Variants in RAPGEF2 observed in about 807,000 individuals in gnomAD.
RAPGEF2 encodes the protein PDZ domain containing guanine nucleotide exchange factor (GEF) 1.
RAPGEF2 carries 54 observed loss-of-function variants against 186.7 expected under a neutral mutation model. That is an observed-to-expected ratio of 0.29 (90% CI 0.23 to 0.36). The LOEUF is 0.36. Ranked by LOEUF, RAPGEF2 falls within the 10% of genes least tolerant of loss-of-function variation. RAPGEF2 has a pLI of 1.00. For missense variants in RAPGEF2, 1,532 were observed against 2,045.0 expected (o/e 0.75, Z 4.84); for synonymous variants, 712 against 705.9 (o/e 1.01, Z -0.14).
chr4:159,154,867 T>G (rs78080077), intron 1 of RAPGEF2, among the ~76,000 whole-genome samples: 1,580 of 152,286 alleles, frequency 0.01, 33 homozygotes, highest in African/African-American at 0.036. Context: ...AAATATTCTC[T>G]TTTGTTAGAA....
chr4:159,292,556 C>G (rs529762933), intron 7 of RAPGEF2, among the ~76,000 whole-genome samples: 1 of 152,174 alleles, frequency 6.6e-6, no homozygotes, highest in Non-Finnish European at 1.5e-5. Flanking sequence ...GATATAAAGT[C>G]TATGGAGTCA....
intron 7 of RAPGEF2, among the ~76,000 whole-genome samples, chr4:159,295,759 G>GCT (rs1561230665): frequency 8.8e-6 from 1 of 114,210 alleles, no homozygotes. Flanking sequence ...GTGTGTGCGC[G>GCT]CGCGCGCGCG....
At chr4:159,192,899 A>G (rs1159341601) in intron 2 of RAPGEF2, among the ~76,000 whole-genome samples, 1 of 152,130 alleles carries the variant, frequency 6.6e-6, no homozygotes, top group Non-Finnish European at 1.5e-5. Flanking sequence ...GGGAACATTA[A>G]TTTGTCCACA....
chr4:159,157,105 C>G (rs557705264), intron 1 of RAPGEF2, among the ~76,000 whole-genome samples: 1 of 152,218 alleles, frequency 6.6e-6, no homozygotes, highest in Admixed American at 6.5e-5. Flanking sequence ...AGGATTCTTG[C>G]ATTGTCTGTC....
chr4:159,114,498 A>C (rs1738833454), intron 1 of RAPGEF2, among the ~76,000 whole-genome samples: 1 of 152,122 alleles, frequency 6.6e-6, no homozygotes, highest in African/African-American at 2.4e-5. Flanking sequence ...CGGCCTCCCA[A>C]AGTGCTGGGA....
intron 7 of RAPGEF2, among the ~76,000 whole-genome samples, chr4:159,301,460 T>C (rs890051988): frequency 6.6e-6 from 1 of 152,238 alleles, no homozygotes; most frequent in Non-Finnish European, 1.5e-5. Flanking sequence ...CATCTATTCT[T>C]ACATATCTCA....
intron 1 of RAPGEF2, among the ~76,000 whole-genome samples, chr4:159,142,572 C>A (rs943272511): frequency 6.7e-6 from 1 of 149,580 alleles, no homozygotes; most frequent in Non-Finnish European, 1.5e-5. Context: ...AAACCAAGAA[C>A]GTTTATTGCT....
chr4:159,114,343 C>G (rs1738815368), intron 1 of RAPGEF2, among the ~76,000 whole-genome samples: 1 of 152,018 alleles, frequency 6.6e-6, no homozygotes, highest in Non-Finnish European at 1.5e-5. Flanking sequence ...ACCTCGTGAT[C>G]CGCCCACTGC....
intron 4 of RAPGEF2, among the ~76,000 whole-genome samples, chr4:159,220,586 G>T (rs561058379): frequency 6.6e-6 from 1 of 152,124 alleles, no homozygotes; most frequent in Non-Finnish European, 1.5e-5. Context: ...GTTACTGATC[G>T]CTGTGGTCTG....
chr4:159,342,016 ACAT>A, intron 20 of RAPGEF2, 69 bp downstream of exon 20: 1 of 1,400,352 alleles, frequency 7.1e-7, no homozygotes, highest in Non-Finnish European at 9.7e-7. Context: ...CAGTCCAGGA[ACAT>A]CATATAATTA....
At chr4:159,313,290 A>G (rs1764168023) in intron 8 of RAPGEF2, among the ~76,000 whole-genome samples, 1 of 152,248 alleles carries the variant, frequency 6.6e-6, no homozygotes, top group African/African-American at 2.4e-5. Flanking sequence ...GATTGCGATT[A>G]AGACTCTGAA....
In RAPGEF2 at chr4:159,332,051, C is replaced by T; in HGVS notation, c.1888+17C>T. The T allele has an allele frequency of 6.6e-7, 1 of 1,511,838 alleles. No individual in the cohort carries two copies. Among genetic ancestry groups the T allele is most frequent in the Non-Finnish European group, 9.0e-7 (1 of 1,108,390 alleles). The allele number at this position is 1,511,838 out of a possible 1,614,324, so 93.7% of individuals were successfully genotyped here. Reference sequence around the variant, plus strand: ...ATTTATTTGGTAAGTATTTTGCATACTTTTCATTTTTCTCCTTTTGGCCTT... The same window carrying T: ...ATTTATTTGGTAAGTATTTTGCATATTTTTCATTTTTCTCCTTTTGGCCTT... On this transcript the variant is annotated intron_variant, in intron 16 of 29. Transcript: ENST00000691494.
chr4:159,159,360 A>G (rs1744459502), intron 1 of RAPGEF2, among the ~76,000 whole-genome samples: 1 of 152,130 alleles, frequency 6.6e-6, no homozygotes, highest in Admixed American at 6.5e-5. Context: ...AAATTCTTTT[A>G]TTTTGATTTA....
At chr4:159,357,586 G>A (rs1430108425) in intron 29 of RAPGEF2, among the ~76,000 whole-genome samples, 4 of 152,182 alleles carry the variant, frequency 2.6e-5, no homozygotes, top group African/African-American at 9.7e-5. Context: ...GGGAGGCCGA[G>A]GCAGGAGAAT....
chr4:159,353,318 T>C lies in RAPGEF2; in HGVS notation c.4092-169T>C, dbSNP rs1395317880. ...TATAGTAATGATAAAGTCAGAAGGCTAGACATGGCAGAACTGGCCAATATA... is the reference window on the plus strand; with the variant it reads ...TATAGTAATGATAAAGTCAGAAGGCCAGACATGGCAGAACTGGCCAATATA... On this transcript the variant is annotated intron_variant, in intron 27 of 29. Coordinates refer to ENST00000691494, the MANE Select transcript of RAPGEF2 (RefSeq NM_001394067.2). This position sits in a 1 kb window ranked among gnomAD's most constrained non-coding sequence, Gnocchi z 4.3. 6.6e-6 allele frequency among the ~76,000 whole-genome samples: 1 copy of C among 152,062 alleles called. No homozygotes were observed. Among genetic ancestry groups the C allele is most frequent in the Non-Finnish European group, 1.5e-5 (1 of 68,010 alleles).
Position 159,268,283 on chromosome 4 carries a change from G to A in RAPGEF2, c.543+24492G>A, listed in dbSNP as rs1757681328. ...AGAGAACTGCTTTAAAATGGGAATT[G>A]TTGCTCTTTCTCTTCAGGGAAAACA... is the stretch of plus-strand genomic sequence containing the variant. On this transcript the variant is annotated intron_variant, in intron 7 of 29. Transcript: ENST00000691494. 3.8e-6 allele frequency: 5 copies of A among 1,318,504 alleles called. No homozygotes were observed. The African/African-American group carries it at 4.4e-5, about 12-fold the overall frequency. 81.7% of individuals were successfully genotyped at this position (1,318,504 alleles called of 1,614,324 possible). A position where few individuals can be genotyped will look rare whatever the true frequency, so the allele number is the denominator to read the frequency against.
intron 1 of RAPGEF2, among the ~76,000 whole-genome samples, chr4:159,143,858 G>A (rs1023654110): frequency 1.3e-5 from 2 of 152,184 alleles, no homozygotes; most frequent in African/African-American, 4.8e-5. Flanking sequence ...GTAACTTGCA[G>A]TAACAGGCAA....
At position 159,352,734 on chromosome 4, in the gene RAPGEF2, T is replaced by C; in HGVS notation, c.3915T>C (p.Gly1305=). The C allele has an allele frequency of 6.2e-7, 1 of 1,614,218 alleles. No individual in the cohort carries two copies. Among genetic ancestry groups the C allele is most frequent in the Non-Finnish European group, 8.5e-7 (1 of 1,180,026 alleles). ...CTGTGGATAATTTTTCAGATTCTGG[T>C]CACAGTGAAATTTCTTCACGATCCA... is the stretch of plus-strand genomic sequence containing the variant. ...SGTVDNFSDS[G]HSEISSRSSI... The change falls in exon 27 of 30, where the codon GGT becomes GGC. Residue 1305 remains glycine (G), a synonymous_variant. Transcript: ENST00000691494.
Position 159,103,487 on chromosome 4 carries a change from A to AGTCCC in RAPGEF2, c.-675_-674insTCCCG. ...CCGAGGGGATGCAGCAGCAGTCGGG[A>AGTCCC]GGGACGGCCGAGCCCAGTAGACAGA... On this transcript the variant is annotated 5_prime_UTR_variant, in exon 1 of 30. The change abolishes the stop of an existing upstream ORF in the 5' untranslated region. Coordinates refer to ENST00000691494, the MANE Select transcript of RAPGEF2 (RefSeq NM_001394067.2). 6.4e-6 allele frequency: 1 copy of AGTCCC among 155,622 alleles called. No individual in the cohort carries two copies. The highest frequency in any genetic ancestry group is 1.7e-4 in the South Asian group (1 of 5,718). 9.6% of individuals were successfully genotyped at this position (155,622 alleles called of 1,614,324 possible). A position where few individuals can be genotyped will look rare whatever the true frequency, so the allele number is the denominator to read the frequency against.
Sources: gnomAD v4.1 joint callset for allele counts (sites outside exome capture counted in the v4.1 genomes callset) on GRCh38, gnomAD v4.1.1 for gene constraint, Gnocchi (gnomAD v3.1) non-coding constraint, MANE v1.5 for transcripts, NCBI Gene and HGNC (gene_info 2026-07-23, HGNC 2026-07-21) for gene names.